SEMA3A: variants seen among roughly 807,000 people sequenced by gnomAD.
SEMA3A encodes semaphorin-3A.
Under a neutral mutation model 97.9 loss-of-function variants are expected in SEMA3A, and 29 were observed. That is an observed-to-expected ratio of 0.30 (90% CI 0.22 to 0.40). SEMA3A has a LOEUF of 0.40. Ranked by LOEUF, SEMA3A falls within the 10% of genes least tolerant of loss-of-function variation. SEMA3A has a pLI of 1.00. For synonymous variants in SEMA3A, 321 were observed against 323.7 expected (o/e 0.99, Z 0.09); for missense variants, 763 against 951.3 (o/e 0.80, Z 2.60).
At chr7:84,248,333 C>G (rs1799521853) in intron 3 of SEMA3A, among the ~76,000 whole-genome samples, 1 of 152,036 alleles carries the variant, frequency 6.6e-6, no homozygotes, top group African/African-American at 2.4e-5. Flanking sequence ...AATTCTTGAC[C>G]ATGCCACTCT....
chr7:84,028,882 G>T (rs1791640874), intron 6 of SEMA3A, among the ~76,000 whole-genome samples: 1 of 152,164 alleles, frequency 6.6e-6, no homozygotes, highest in Non-Finnish European at 1.5e-5. Context: ...GCCTCCCAAA[G>T]TGCTGGGATT....
chr7:84,316,185 T>A (rs935199434), intron 2 of SEMA3A, among the ~76,000 whole-genome samples: 2 of 144,994 alleles, frequency 1.4e-5, no homozygotes, highest in African/African-American at 5.0e-5. Context: ...CAAACTAAAC[T>A]TCATTTATCG....
intron 3 of SEMA3A, among the ~76,000 whole-genome samples, chr7:84,124,568 G>A (rs1795733868): frequency 6.6e-6 from 1 of 152,072 alleles, no homozygotes; most frequent in African/African-American, 2.4e-5. Flanking sequence ...CCATCAAACT[G>A]TCCGTTGTGT....
chr7:84,360,881 C>T (rs1188895401), intron 2 of SEMA3A, among the ~76,000 whole-genome samples: 2 of 151,812 alleles, frequency 1.3e-5, no homozygotes, highest in South Asian at 4.2e-4. Flanking sequence ...GCAACCTCTG[C>T]CATGCCAGGT....
chr7:83,997,263 C>A (rs1330928625), intron 12 of SEMA3A, among the ~76,000 whole-genome samples: 1 of 152,156 alleles, frequency 6.6e-6, no homozygotes, highest in Non-Finnish European at 1.5e-5. Flanking sequence ...CCTTGTCAAA[C>A]TATCCCTGAC....
At chr7:83,975,853 T>C (rs919192971) in intron 15 of SEMA3A, among the ~76,000 whole-genome samples, 5 of 152,216 alleles carry the variant, frequency 3.3e-5, no homozygotes, top group Non-Finnish European at 7.3e-5. Flanking sequence ...TATGAAAGAT[T>C]AGCAAATATT....
intron 1 of SEMA3A, among the ~76,000 whole-genome samples, chr7:84,391,613 T>C (rs1803580044): frequency 6.6e-6 from 1 of 152,118 alleles, no homozygotes; most frequent in African/African-American, 2.4e-5. Flanking sequence ...CAGGGTAAGA[T>C]ATGTGCTCTT....
intron 2 of SEMA3A, among the ~76,000 whole-genome samples, chr7:84,133,923 G>A (rs911443437): frequency 2.0e-5 from 3 of 150,432 alleles, no homozygotes; most frequent in African/African-American, 4.9e-5. Context: ...TTAGCCGGGC[G>A]TGGTGGCAGG....
intron 1 of SEMA3A, among the ~76,000 whole-genome samples, chr7:84,474,037 C>T (rs1032542491): frequency 2.0e-5 from 3 of 152,132 alleles, no homozygotes; most frequent in Non-Finnish European, 2.9e-5. Flanking sequence ...GGCTTTCGGT[C>T]TCATCTACTA....
At chr7:84,103,911 T>G (rs190370115) in intron 4 of SEMA3A, among the ~76,000 whole-genome samples, 306 of 152,182 alleles carry the variant, frequency 2.0e-3, no homozygotes, top group African/African-American at 6.8e-3. Flanking sequence ...GAGGCTTTTA[T>G]GAATAGAAAT....
intron 4 of SEMA3A, among the ~76,000 whole-genome samples, chr7:84,064,974 C>T (rs571979999): frequency 1.4e-4 from 21 of 152,338 alleles, no homozygotes; most frequent in African/African-American, 4.3e-4. Context: ...TACATTTTTT[C>T]GGCACCACAC....
chr7:84,335,206 G>A (rs891413959), intron 2 of SEMA3A, among the ~76,000 whole-genome samples: 49 of 152,016 alleles, frequency 3.2e-4, no homozygotes, highest in African/African-American at 1.2e-3. Context: ...AATGTTGGTT[G>A]CAAATAGGCT....
intron 3 of SEMA3A, among the ~76,000 whole-genome samples, chr7:84,258,894 C>G (rs1345821152): frequency 6.6e-6 from 1 of 151,576 alleles, no homozygotes; most frequent in African/African-American, 2.4e-5. Context: ...TTATCTAAAC[C>G]AGAAGGGATG....
At chr7:84,268,249 A>G (rs73709801) in intron 3 of SEMA3A, among the ~76,000 whole-genome samples, 38 of 131,038 alleles carry the variant, frequency 2.9e-4, no homozygotes, top group East Asian at 9.2e-4. Flanking sequence ...AGACATAAGC[A>G]TGTGTGTGTG....
chr7:84,083,440 G>T (rs916484139), intron 4 of SEMA3A, among the ~76,000 whole-genome samples: 5 of 135,740 alleles, frequency 3.7e-5, no homozygotes, highest in East Asian at 2.2e-4. Context: ...CATTTTTTTT[G>T]TGTGTGTGTT....
At chr7:84,228,223 A>T (rs183884042) in intron 3 of SEMA3A, among the ~76,000 whole-genome samples, 1 of 152,100 alleles carries the variant, frequency 6.6e-6, no homozygotes, top group East Asian at 1.9e-4. Context: ...CTATGAAGTA[A>T]AGGAAACATT....
intron 1 of SEMA3A, among the ~76,000 whole-genome samples, chr7:84,142,760 T>C (rs1796329410): frequency 6.6e-6 from 1 of 152,206 alleles, no homozygotes; most frequent in Non-Finnish European, 1.5e-5. Flanking sequence ...TTGACAAGTC[T>C]CAAATATATA....
intron 4 of SEMA3A, among the ~76,000 whole-genome samples, chr7:84,088,121 C>T (rs6467984): frequency 0.41 from 62,732 of 151,974 alleles, 14,811 homozygotes; most frequent in Non-Finnish European, 0.52. Flanking sequence ...CATTATAAAT[C>T]CACATGCTGT....
chr7:84,360,521 A>C (rs1252265544), intron 2 of SEMA3A, among the ~76,000 whole-genome samples: 1 of 136,730 alleles, frequency 7.3e-6, no homozygotes, highest in African/African-American at 2.9e-5. Context: ...TAGTTAAACT[A>C]ATTTCTAAAC....
Sources: allele counts gnomAD v4.1 joint callset (sites outside exome capture counted in the v4.1 genomes callset), GRCh38; gene constraint gnomAD v4.1.1; transcripts MANE v1.5; gene names NCBI Gene and HGNC (gene_info 2026-07-23, HGNC 2026-07-21).